WNT7B: variants seen among roughly 807,000 people sequenced by gnomAD.
WNT7B encodes the protein Wnt family member 7B, also known as protein Wnt-7b.
In WNT7B, 19 loss-of-function variants were observed where a neutral mutation model predicts 38.2. The observed-to-expected ratio is 0.50, with a 90% CI of 0.35 to 0.73. WNT7B has a LOEUF of 0.73. Ranked by LOEUF, WNT7B falls within the 30% of genes least tolerant of loss-of-function variation. The pLI, the probability that WNT7B is intolerant of heterozygous loss-of-function variation, is 0.01. For synonymous variants in WNT7B, 243 were observed against 209.3 expected (o/e 1.16, Z -1.39); for missense variants, 423 against 507.9 (o/e 0.83, Z 1.61).
chr22:45,923,529 A>C (rs1331628156), intron 3 of WNT7B, among the ~76,000 whole-genome samples, 194 bp from the exon 4 acceptor site: 1 of 152,156 alleles, frequency 6.6e-6, no homozygotes, highest in East Asian at 1.9e-4. Flanking sequence ...ATAGGTCTCC[A>C]CTGCATAGGA....
At chr22:45,936,553 G>A (rs1023141188) in intron 2 of WNT7B, among the ~76,000 whole-genome samples, 4 of 152,286 alleles carry the variant, frequency 2.6e-5, no homozygotes, top group Non-Finnish European at 5.9e-5. Context: ...GCCTGGCCAT[G>A]CAAGGGCCAT....
At chr22:45,928,524 G>A (rs1931168840) in intron 3 of WNT7B, among the ~76,000 whole-genome samples, 1 of 150,486 alleles carries the variant, frequency 6.6e-6, no homozygotes, top group African/African-American at 2.5e-5. Flanking sequence ...AAGGCTGGTA[G>A]GAGAATTGGC....
Position 45,931,325 on chromosome 22 carries a change from C to T in WNT7B, c.343G>A (p.Val115Met), listed in dbSNP as rs757647792. The change falls in exon 3 of 4, where the codon GTG becomes ATG. Residue 115 changes from valine to methionine, a missense_variant. This residue lies in a region of WNT7B where 133 missense variants were observed against 179.8 expected (regional missense o/e 0.74). Transcript: ENST00000339464. ...AFTYAITAAG[V>M]AHAVTAACSQ... is the part of the protein sequence containing the mutation. ...CAGGCAGCGGTGACGGCGTGCGCCA[C>T]GCCAGCCGCGGTGATGGCGTACGTG... 1.0e-5 allele frequency: 16 copies of T among 1,596,278 alleles called. No individual in the cohort carries two copies. Among genetic ancestry groups the T allele is most frequent in the Admixed American group, 1.0e-4 (6 of 59,894 alleles).
rs1031791952 is a variant in WNT7B at position 45,965,051 on chromosome 22, C to T, written c.71+11633G>A. 2.0e-5 allele frequency among the ~76,000 whole-genome samples: 3 copies of T among 152,174 alleles called. No individual in the cohort carries two copies. Among genetic ancestry groups the T allele is most frequent in the East Asian group, 1.9e-4 (1 of 5,186 alleles). ...CTCCCTGCCCTGGGCTCCCCAGACC[C>T]GAGATCACTGCCTCCGGCCCCGCCC... On this transcript the variant is annotated intron_variant, in intron 1 of 3. Coordinates refer to ENST00000339464, the MANE Select transcript of WNT7B (RefSeq NM_058238.3). The surrounding 1 kb of genome is among the most constrained non-coding windows in gnomAD (Gnocchi z 6.5).
chr22:45,956,976 T>C (rs541647550), intron 1 of WNT7B, among the ~76,000 whole-genome samples: 33 of 152,184 alleles, frequency 2.2e-4, no homozygotes, highest in African/African-American at 5.8e-4. Context: ...CGTGGTGGCG[T>C]GTGCCTGTAG....
chr22:45,929,426 A>G (rs1457944778), intron 3 of WNT7B, among the ~76,000 whole-genome samples: 1 of 148,488 alleles, frequency 6.7e-6, no homozygotes, highest in Non-Finnish European at 1.5e-5. Flanking sequence ...CCACTCATCC[A>G]TCCACCCACC....
At chr22:45,927,509 G>A in intron 3 of WNT7B, 2 of 1,544,324 alleles carry the variant, frequency 1.3e-6, no homozygotes, top group Non-Finnish European at 8.8e-7. Flanking sequence ...TTTGGAAGTA[G>A]GGCCTTTACA....
chr22:45,963,162 T>G (rs550876835), intron 1 of WNT7B, among the ~76,000 whole-genome samples: 8 of 152,194 alleles, frequency 5.3e-5, no homozygotes, highest in African/African-American at 1.9e-4. Flanking sequence ...TCAGACAGCA[T>G]GTGAGCCAGA....
chr22:45,949,056 C>T (rs1400562972), intron 2 of WNT7B, among the ~76,000 whole-genome samples: 1 of 152,022 alleles, frequency 6.6e-6, no homozygotes, highest in African/African-American at 2.4e-5. Flanking sequence ...GTCTCGATCT[C>T]TTGACCTCAG....
intron 2 of WNT7B, among the ~76,000 whole-genome samples, chr22:45,932,270 C>T (rs1322613670): frequency 1.3e-5 from 2 of 152,228 alleles, no homozygotes; most frequent in Admixed American, 6.5e-5. Flanking sequence ...CTGCCCAGAA[C>T]AGTGACTCAG....
rs1164271943 is a variant in WNT7B, at chr22:45,975,430, A to T, written c.71+1254T>A. 1 of 639,184 alleles carries T rather than the reference A, an allele frequency of 1.6e-6. No individual in the cohort carries two copies. Among genetic ancestry groups the T allele is most frequent in the Non-Finnish European group, 2.9e-6 (1 of 341,600 alleles). 39.6% of individuals were successfully genotyped at this position (639,184 alleles called of 1,614,324 possible). A position where few individuals can be genotyped will look rare whatever the true frequency, so the allele number is the denominator to read the frequency against. ...ACCTATGATAAACGGGGCTACCGGC[A>T]GCCGCAGACACGCCCGCCCAGACCT... On this transcript the variant is annotated intron_variant, in intron 1 of 3. Coordinates refer to ENST00000339464, the MANE Select transcript of WNT7B (RefSeq NM_058238.3). This position sits in a 1 kb window ranked among gnomAD's most constrained non-coding sequence, Gnocchi z 6.6.
intron 1 of WNT7B, among the ~76,000 whole-genome samples, chr22:45,968,627 C>G (rs1200421595): frequency 1.3e-5 from 2 of 152,234 alleles, no homozygotes; most frequent in African/African-American, 4.8e-5. Context: ...CCTCTGCACA[C>G]AGACGGTCCA....
At position 45,941,626 on chromosome 22, in the gene WNT7B, T is replaced by C. The variant is rs557616139; in HGVS notation, c.298+8294A>G. On this transcript the variant is annotated intron_variant, in intron 2 of 3. Coordinates refer to ENST00000339464, the MANE Select transcript of WNT7B (RefSeq NM_058238.3). ...CTGGACAGGATCAAGTGGAAAGAGT[T>C]GCCTCGGCCACGGGTGGCTTAAGGT... Among the ~76,000 whole-genome samples, 8 of 151,986 alleles carry C rather than the reference T, an allele frequency of 5.3e-5. 2 individuals carry two copies. In the South Asian group the frequency reaches 6.2e-4, roughly 12 times the overall value.
rs913274002 is a variant in WNT7B at position 45,925,735 on chromosome 22, C to T, written c.571-2400G>A. On this transcript the variant is annotated intron_variant, in intron 3 of 3. Coordinates refer to ENST00000339464, the MANE Select transcript of WNT7B (RefSeq NM_058238.3). The stretch of plus-strand genomic sequence containing the variant: ...CTGCTCGGATGCTCCCCAGGCCAGG[C>T]GCCACCCCAGGAGCTGCCCTGATGG... 1.3e-5 allele frequency: 13 copies of T among 985,300 alleles called. No individual in the cohort carries two copies. The African/African-American group carries it at 1.6e-4, about 12-fold the overall frequency. The allele number at this position is 985,300 out of a possible 1,614,324, so 61.0% of individuals were successfully genotyped here.
chr22:45,925,570 C>A, intron 3 of WNT7B: 1 of 985,320 alleles, frequency 1.0e-6, no homozygotes, highest in Non-Finnish European at 1.2e-6. Context: ...CTCCTCCCTG[C>A]CTCCTGTCCC....
intron 2 of WNT7B, among the ~76,000 whole-genome samples, chr22:45,949,046 G>C (rs899762291): frequency 1.3e-5 from 2 of 151,896 alleles, no homozygotes; most frequent in Non-Finnish European, 2.9e-5. Flanking sequence ...GGCCAGGATG[G>C]TCTCGATCTC....
intron 3 of WNT7B, chr22:45,926,694 GCC>G (rs1931094240): frequency 4.1e-6 from 4 of 979,528 alleles, no homozygotes; most frequent in Admixed American, 6.3e-5. Context: ...GCCGGTCCCT[GCC>G]CCTAAGTAAG....
At chr22:45,929,920 C>T (rs985576430) in intron 3 of WNT7B, among the ~76,000 whole-genome samples, 1 of 150,592 alleles carries the variant, frequency 6.6e-6, no homozygotes, top group African/African-American at 2.5e-5. Context: ...ATCCATCTAT[C>T]CTCCCATCCA....
In WNT7B at chr22:45,975,327, A is replaced by T. The variant is rs1465401502; in HGVS notation, c.71+1357T>A. 1.3e-5 allele frequency among the ~76,000 whole-genome samples: 2 copies of T among 151,804 alleles called. No individual in the cohort carries two copies. The highest frequency in any genetic ancestry group is 6.6e-5 in the Admixed American group (1 of 15,238). On this transcript the variant is annotated intron_variant, in intron 1 of 3. Coordinates refer to ENST00000339464, the MANE Select transcript of WNT7B (RefSeq NM_058238.3). This position sits in a 1 kb window ranked among gnomAD's most constrained non-coding sequence, Gnocchi z 6.6. ...AGGAAAAGAGCAGCCTGCCCACTCC[A>T]CCCCCCGCCCAGCAGGCTCAATGCC...
Sources: gnomAD v4.1 joint callset for allele counts (sites outside exome capture counted in the v4.1 genomes callset) on GRCh38, gnomAD v4.1.1 for gene constraint, gnomAD v4.1.1 regional missense constraint, Gnocchi (gnomAD v3.1) non-coding constraint, MANE v1.5 for transcripts, NCBI Gene and HGNC (gene_info 2026-07-23, HGNC 2026-07-21) for gene names.